The following KIF20B variants were observed in gnomAD, a reference collection of about 807,000 sequenced individuals.
KIF20B encodes the protein kinesin family member 20B, also known as kinesin-like protein KIF20B.
KIF20B carries 188 observed loss-of-function variants against 232.5 expected under a neutral mutation model. The observed-to-expected ratio is 0.81, with a 90% CI of 0.72 to 0.91. The LOEUF is 0.91. Ranked by LOEUF, KIF20B falls within the 40% of genes least tolerant of loss-of-function variation. KIF20B has a pLI of 0.00. For missense variants in KIF20B, 2,154 were observed against 2,055.9 expected, an observed-to-expected ratio of 1.05 and a Z score of -0.92; for synonymous variants, 712 against 683.0, an observed-to-expected ratio of 1.04 and a Z score of -0.66.
chr10:89,717,144 A>T (rs1842951749), intron 9 of KIF20B, among the ~76,000 whole-genome samples: 1 of 152,178 alleles, frequency 6.6e-6, no homozygotes, highest in Non-Finnish European at 1.5e-5. Context: ...TATCTTTTCA[A>T]ACAAAATGTC....
intron 31 of KIF20B, among the ~76,000 whole-genome samples, chr10:89,771,615 T>C (rs1319648567): frequency 6.6e-6 from 1 of 152,040 alleles, no homozygotes; most frequent in Non-Finnish European, 1.5e-5. Context: ...AGAGCCTCTT[T>C]ATTGAGGCCT....
In KIF20B at chr10:89,738,575, TAAAAG is replaced by T. The variant is rs762326776; in HGVS notation, c.3737_3741del (p.Lys1246ArgfsTer40). 32 of 1,563,952 alleles carry T rather than the reference TAAAAG, an allele frequency of 2.0e-5. No individual in the cohort carries two copies. Among genetic ancestry groups the T allele is most frequent in the African/African-American group, 2.8e-5 (2 of 71,756 alleles). ...CAAGATATGAAACATTTACTTCAAT[TAAAAG>T]AAGAAGAAGAAGAAACCAACAGGCA... On this transcript the variant is annotated frameshift_variant, in exon 20 of 33. Transcript: ENST00000371728. LOFTEE classifies it high-confidence loss of function.
At chr10:89,768,958 T>C in intron 31 of KIF20B, 70 bp downstream of exon 31, 12 of 1,260,284 alleles carry the variant, frequency 9.5e-6, no homozygotes, top group South Asian at 7.3e-5. Flanking sequence ...CTAATTGATA[T>C]ATAAACTCAA....
chr10:89,767,529 A>T (rs1842387919), intron 29 of KIF20B, among the ~76,000 whole-genome samples: 1 of 151,974 alleles, frequency 6.6e-6, no homozygotes, highest in South Asian at 2.1e-4. Flanking sequence ...TCTGAGGTTC[A>T]GTCATGATCT....
In KIF20B at chr10:89,737,453, T is replaced by G; in HGVS notation, c.2612T>G (p.Ile871Ser). 6.2e-7 allele frequency: 1 copy of G among 1,608,368 alleles called. No homozygotes were observed. The highest frequency in any genetic ancestry group is 1.3e-5 in the African/African-American group (1 of 74,602). ...QKKSEEVRPN[I>S]AEIEDIRVLQ... is the part of the protein sequence containing the mutation. ...AAAAGTGAAGAAGTGCGACCGAACA[T>G]TGCAGAAATTGAAGACATCAGAGTT... Residue 871 changes from isoleucine (I) to serine (S), a missense_variant, in exon 20 of 33, where the codon ATT becomes AGT. Transcript: ENST00000371728.
intron 17 of KIF20B, among the ~76,000 whole-genome samples, chr10:89,728,675 G>A (rs1843244395): frequency 6.6e-6 from 1 of 152,044 alleles, no homozygotes; most frequent in Non-Finnish European, 1.5e-5. Context: ...GCTGATTTTT[G>A]TATTTTTCAG....
chr10:89,757,174 G>A (rs1842147020), intron 26 of KIF20B, among the ~76,000 whole-genome samples: 1 of 151,426 alleles, frequency 6.6e-6, no homozygotes. Flanking sequence ...CCCAACTAGT[G>A]TTGCAGTAGC....
In KIF20B at chr10:89,743,987, C is replaced by A. The variant is rs1340847522; in HGVS notation, c.4035+60C>A. 9.5e-5 allele frequency: 130 copies of A among 1,374,754 alleles called. 1 individual carries two copies. The highest frequency in any genetic ancestry group is 9.9e-5 in the Non-Finnish European group (102 of 1,026,260). 85.2% of individuals were successfully genotyped at this position (1,374,754 alleles called of 1,614,324 possible). A position where few individuals can be genotyped will look rare whatever the true frequency, so the allele number is the denominator to read the frequency against. ...CATTCTCTTGGTATATTTTAGTGTACAAAAAGGTACAAATTTGTTTTTAAT... is the reference window on the plus strand; with the variant it reads ...CATTCTCTTGGTATATTTTAGTGTAAAAAAAGGTACAAATTTGTTTTTAAT... On this transcript the variant is annotated intron_variant, in intron 22 of 32. Coordinates refer to ENST00000371728, the MANE Select transcript of KIF20B (RefSeq NM_001284259.2).
At chr10:89,725,284 T>G (rs1397024256) in intron 15 of KIF20B, 126 bp downstream of exon 15, 1 of 871,196 alleles carries the variant, frequency 1.1e-6, no homozygotes. Context: ...TGTAGCTTTA[T>G]TATAATTAGG....
intron 23 of KIF20B, among the ~76,000 whole-genome samples, chr10:89,748,815 A>G (rs1486456576): frequency 1.3e-5 from 2 of 151,988 alleles, no homozygotes; most frequent in Non-Finnish European, 2.9e-5. Flanking sequence ...TTTCTTTGCC[A>G]AATATGGAGA....
chr10:89,731,282 T>A (rs575767221), intron 18 of KIF20B, among the ~76,000 whole-genome samples: 14 of 152,344 alleles, frequency 9.2e-5, no homozygotes, highest in Non-Finnish European at 1.9e-4. Flanking sequence ...CATACCATAA[T>A]ATATTAGCAA....
intron 23 of KIF20B, among the ~76,000 whole-genome samples, chr10:89,750,817 TAAA>T (rs1337656720): frequency 6.6e-6 from 1 of 152,072 alleles, no homozygotes; most frequent in African/African-American, 2.4e-5. Flanking sequence ...TGGTTTTAAA[TAAA>T]AATTTAAAAT....
At chr10:89,735,535 C>CTTTTTTTTT (rs397947713) in intron 19 of KIF20B, among the ~76,000 whole-genome samples, 1 of 108,148 alleles carries the variant, frequency 9.2e-6, no homozygotes, top group African/African-American at 3.7e-5. Context: ...TAGTAAGTGT[C>CTTTTTTTTT]TTTTTTTTTT....
intron 26 of KIF20B, among the ~76,000 whole-genome samples, chr10:89,754,896 G>C (rs1213134172): frequency 6.6e-6 from 1 of 152,116 alleles, no homozygotes; most frequent in African/African-American, 2.4e-5. Flanking sequence ...ATACCTTATT[G>C]CTTCTTACTG....
At position 89,711,024 on chromosome 10, in the gene KIF20B, A is replaced by T; in HGVS notation, c.554A>T (p.Glu185Val). 6.2e-7 allele frequency: 1 copy of T among 1,609,684 alleles called. No homozygotes were observed. The highest frequency in any genetic ancestry group is 1.1e-5 in the South Asian group (1 of 90,436). The change falls in exon 6 of 33, where the codon GAA becomes GTA. Residue 185 changes from glutamate to valine, a missense_variant. By Grantham distance (121) the Glu-to-Val change is moderately radical. Transcript: ENST00000371728. ...TLNVLFDSLQ[E>V]RLYTKMNLKP... Reference sequence around the variant, plus strand: ...AATGTATTATTTGATAGTCTTCAAGAAAGACTGTATACAAAGATGAACCTT... The same window carrying T: ...AATGTATTATTTGATAGTCTTCAAGTAAGACTGTATACAAAGATGAACCTT...
At chr10:89,716,585 C>G (rs200427189) in intron 9 of KIF20B, 38 bp downstream of exon 9, 6 of 944,278 alleles carry the variant, frequency 6.4e-6, no homozygotes, top group East Asian at 2.4e-5. Context: ...CTCGAATCAC[C>G]GATAGTATTC....
In KIF20B at chr10:89,725,045, A is replaced by G. The variant is rs768120334; in HGVS notation, c.1888A>G (p.Ile630Val). The G allele has an allele frequency of 9.9e-6, 16 of 1,613,626 alleles. No individual in the cohort carries two copies. The East Asian group carries it at 3.1e-4, about 31-fold the overall frequency. Residue 630 changes from isoleucine (I) to valine (V), a missense_variant, in exon 15 of 33, where the codon ATA becomes GTA. Coordinates refer to ENST00000371728, the MANE Select transcript of KIF20B (RefSeq NM_001284259.2). ...FKETLLQERE[I>V]LEENAERRLA... ...GGAGACTCTGCTTCAAGAACGAGAG[A>G]TATTAGAAGAAAATGCTGAACGTCG...
intron 1 of KIF20B, among the ~76,000 whole-genome samples, chr10:89,704,458 C>A (rs1408616136): frequency 6.6e-6 from 1 of 152,086 alleles, no homozygotes; most frequent in South Asian, 2.1e-4. Flanking sequence ...TAACTTAAAA[C>A]CTGTGATGTG....
At chr10:89,756,519 C>T (rs1842121171) in intron 26 of KIF20B, among the ~76,000 whole-genome samples, 1 of 152,122 alleles carries the variant, frequency 6.6e-6, no homozygotes, top group Admixed American at 6.6e-5. Context: ...ACTTAAGAAA[C>T]ACATTTTTGA....
Sources: allele counts gnomAD v4.1 joint callset (sites outside exome capture counted in the v4.1 genomes callset), GRCh38; gene constraint gnomAD v4.1.1; transcripts MANE v1.5; gene names NCBI Gene and HGNC (gene_info 2026-07-23, HGNC 2026-07-21).